POLA1: variants seen among roughly 807,000 people sequenced by gnomAD.
The protein encoded by POLA1 is DNA polymerase alpha 1, catalytic subunit, also known as DNA polymerase alpha catalytic subunit.
POLA1 carries 15 observed loss-of-function variants against 124.0 expected under a neutral mutation model. The observed-to-expected ratio is 0.12, with a 90% CI of 0.08 to 0.19. POLA1 has a LOEUF of 0.19. POLA1 is among the 10% of genes least tolerant of loss of function. POLA1 has a pLI of 1.00. For missense variants in POLA1, 886 were observed against 1,103.4 expected, an observed-to-expected ratio of 0.80 and a Z score of 2.79; for synonymous variants, 408 against 389.4, an observed-to-expected ratio of 1.05 and a Z score of -0.56.
At chrX:24,768,761 A>G (rs1188239728) in intron 26 of POLA1, among the ~76,000 whole-genome samples, 2 of 111,957 alleles carry the variant, frequency 1.8e-5, no homozygotes, top group Admixed American at 1.9e-4. Flanking sequence ...AAATTCCAAG[A>G]CACTCACTGA....
intron 35 of POLA1, among the ~76,000 whole-genome samples, chrX:24,913,679 A>C (rs1470646302): frequency 4.0e-5 from 4 of 99,299 alleles, no homozygotes; most frequent in Admixed American, 1.1e-4. Context: ...GTGCCATTGC[A>C]CTCCAGCCTG....
intron 36 of POLA1, among the ~76,000 whole-genome samples, chrX:24,945,291 A>T (rs1601895438): frequency 8.9e-6 from 1 of 112,678 alleles, no homozygotes. Flanking sequence ...TATCTATTAT[A>T]GTACTTAGTG....
Position 24,973,924 on chromosome X carries a change from GT to G in POLA1, c.4262-21871del, listed in dbSNP as rs202046616. Among the ~76,000 whole-genome samples the G allele has an allele frequency of 2.7e-3, 288 of 107,775 alleles. 3 individuals are homozygous for G. In the East Asian group the frequency reaches 0.041, roughly 15 times the overall value. The allele number at this position is 107,775 out of a possible 115,157, so 93.6% of individuals were successfully genotyped here. A position where few individuals can be genotyped will look rare whatever the true frequency, so the allele number is the denominator to read the frequency against. On this transcript the variant is annotated intron_variant, in intron 36 of 36. Transcript: ENST00000379068. Reference sequence around the variant, plus strand: ...ATGTCGTGAATTTAGTATTTGACCAGTTTTTTTTTTCCCCCTAGGCCCAGAT... The same window carrying G: ...ATGTCGTGAATTTAGTATTTGACCAGTTTTTTTTTCCCCCTAGGCCCAGAT...
At chrX:24,818,327 T>C (rs768235608) in intron 30 of POLA1, among the ~76,000 whole-genome samples, 5 of 111,415 alleles carry the variant, frequency 4.5e-5, no homozygotes, top group Non-Finnish European at 9.4e-5. Context: ...GAATAATCCA[T>C]TGAAGAAGAT....
At chrX:24,786,120 A>G (rs974276472) in intron 26 of POLA1, among the ~76,000 whole-genome samples, 9 of 112,324 alleles carry the variant, frequency 8.0e-5, no homozygotes, top group Admixed American at 5.6e-4. Context: ...CCCTCAGCGG[A>G]CACTTAGGTT....
intron 30 of POLA1, 141 bp downstream of exon 30, chrX:24,815,252 TTGAG>T: frequency 1.8e-6 from 1 of 545,897 alleles, no homozygotes; most frequent in Non-Finnish European, 2.9e-6. Context: ...ATCTCACAGA[TTGAG>T]TATTAGCATA....
chrX:24,788,567 T>C (rs750864429), intron 26 of POLA1: 44 of 1,189,322 alleles, frequency 3.7e-5, no homozygotes, highest in African/African-American at 1.8e-5. Flanking sequence ...GACTAAGCCG[T>C]CTGCTTGAAT....
chrX:24,911,818 T>G (rs1411360918), intron 35 of POLA1, among the ~76,000 whole-genome samples: 1 of 112,115 alleles, frequency 8.9e-6, no homozygotes, highest in African/African-American at 3.2e-5. Context: ...TTTGACAATT[T>G]AAACATAATG....
intron 36 of POLA1, among the ~76,000 whole-genome samples, chrX:24,982,096 TGTC>T (rs1485600854): frequency 9.1e-6 from 1 of 109,527 alleles, no homozygotes; most frequent in African/African-American, 3.3e-5. Context: ...AGGCATTTAG[TGTC>T]GTGTCTGCCA....
intron 36 of POLA1, among the ~76,000 whole-genome samples, chrX:24,972,206 G>C (rs2048312462): frequency 9.0e-6 from 1 of 111,578 alleles, no homozygotes; most frequent in African/African-American, 3.3e-5. Flanking sequence ...CCTGACCTCA[G>C]GTGATCCACC....
At chrX:24,831,155 G>A (rs980238649) in intron 32 of POLA1, among the ~76,000 whole-genome samples, 7 of 111,329 alleles carry the variant, frequency 6.3e-5, no homozygotes, top group Non-Finnish European at 1.1e-4. Flanking sequence ...AGTAGACAGG[G>A]TTCAGTAATA....
intron 36 of POLA1, among the ~76,000 whole-genome samples, chrX:24,975,457 CAA>C (rs35623863): frequency 1.0e-3 from 104 of 101,427 alleles, no homozygotes; most frequent in South Asian, 5.1e-3. Flanking sequence ...TCTTTCAAAA[CAA>C]AAAAAAAAAA....
intron 13 of POLA1, 128 bp downstream of exon 13, chrX:24,726,183 T>C (rs746160877): frequency 4.5e-6 from 2 of 443,766 alleles, no homozygotes; most frequent in East Asian, 7.8e-5. Flanking sequence ...TTGAGGTGGA[T>C]TTATAGTAAT....
At chrX:24,948,273 C>G (rs1394643684) in intron 36 of POLA1, among the ~76,000 whole-genome samples, 2 of 110,830 alleles carry the variant, frequency 1.8e-5, no homozygotes, top group African/African-American at 3.3e-5. Flanking sequence ...TGTTTTAACC[C>G]CAGTTAAAGT....
intron 36 of POLA1, among the ~76,000 whole-genome samples, chrX:24,938,161 C>T (rs916405865): frequency 3.6e-5 from 4 of 112,529 alleles, no homozygotes; most frequent in Non-Finnish European, 7.5e-5. Flanking sequence ...CGCCTGTAAT[C>T]CCAGCACTTT....
chrX:24,839,894 A>G (rs1217554066), intron 32 of POLA1, among the ~76,000 whole-genome samples: 2 of 112,031 alleles, frequency 1.8e-5, no homozygotes, highest in African/African-American at 3.2e-5. Flanking sequence ...GTTACCCCTC[A>G]CTACAGAGAT....
At chrX:24,788,981 G>A (rs1210713185) in intron 26 of POLA1, 8 of 1,207,641 alleles carry the variant, frequency 6.6e-6, no homozygotes, top group Non-Finnish European at 7.8e-6. Flanking sequence ...TGCTTGTGAT[G>A]GCACATACCC....
At chrX:24,984,065 T>C (rs1254708704) in intron 36 of POLA1, among the ~76,000 whole-genome samples, 1 of 112,534 alleles carries the variant, frequency 8.9e-6, no homozygotes, top group Non-Finnish European at 1.9e-5. Context: ...CTTTAAATCA[T>C]TGAGTGTAAG....
chrX:24,795,236 C>A (rs1476313079), intron 26 of POLA1, among the ~76,000 whole-genome samples: 1 of 110,977 alleles, frequency 9.0e-6, no homozygotes, highest in African/African-American at 3.3e-5. Context: ...AGGAACTGAT[C>A]TGTAGTTGGT....
Sources: allele counts gnomAD v4.1 joint callset (sites outside exome capture counted in the v4.1 genomes callset), GRCh38; gene constraint gnomAD v4.1.1; transcripts MANE v1.5; gene names NCBI Gene and HGNC (gene_info 2026-07-23, HGNC 2026-07-21).